DNM3: variants seen among roughly 807,000 people sequenced by gnomAD.
DNM3 encodes the protein dynamin 3, also known as dynamin-3.
A neutral mutation model predicts 101.6 loss-of-function variants in DNM3; 47 were observed. The ratio of observed to expected loss-of-function variants is 0.46; its 90% CI spans 0.37 to 0.59. DNM3 has a LOEUF of 0.59. Among genes scored for constraint, DNM3 ranks in the 20% least tolerant of loss-of-function variants. The pLI is 0.00. For synonymous variants in DNM3, 385 were observed against 387.9 expected (o/e 0.99, Z 0.09); for missense variants, 849 against 1,085.7 (o/e 0.78, Z 3.06).
chr1:172,157,197 A>G (rs1032369781), intron 14 of DNM3, among the ~76,000 whole-genome samples: 39 of 152,130 alleles, frequency 2.6e-4, no homozygotes, highest in African/African-American at 9.4e-4. Flanking sequence ...AGACAGCGAC[A>G]GATCATCAGG....
intron 15 of DNM3, among the ~76,000 whole-genome samples, chr1:172,273,615 T>C (rs1004107693): frequency 6.6e-6 from 1 of 152,050 alleles, no homozygotes; most frequent in Non-Finnish European, 1.5e-5. Flanking sequence ...TGAGAACAAA[T>C]GAGTTAATCT....
chr1:172,297,551 T>A (rs898560436), intron 15 of DNM3, among the ~76,000 whole-genome samples: 21 of 152,150 alleles, frequency 1.4e-4, no homozygotes, highest in Non-Finnish European at 2.2e-4. Context: ...TTTTATTTTT[T>A]AAAAATCATT....
chr1:171,972,427 A>G (rs780637296), intron 2 of DNM3, among the ~76,000 whole-genome samples: 142 of 152,332 alleles, frequency 9.3e-4, no homozygotes, highest in Admixed American at 2.0e-3. Flanking sequence ...GATCAAGGGA[A>G]GTTTCTTAGT....
chr1:172,320,302 C>T (rs148121138), intron 16 of DNM3, among the ~76,000 whole-genome samples: 2,879 of 150,968 alleles, frequency 0.019, 54 homozygotes, highest in Non-Finnish European at 0.027. Flanking sequence ...TTAATGGGTG[C>T]AGCACACCAG....
At chr1:172,160,063 A>T (rs78000717) in intron 14 of DNM3, among the ~76,000 whole-genome samples, 4 of 113,952 alleles carry the variant, frequency 3.5e-5, no homozygotes, top group East Asian at 2.5e-4. Flanking sequence ...CATAAAAGAT[A>T]AAAAAAAAAA....
intron 1 of DNM3, among the ~76,000 whole-genome samples, chr1:171,886,701 G>A (rs2036809507): frequency 6.6e-6 from 1 of 152,110 alleles, no homozygotes; most frequent in Admixed American, 6.5e-5. Context: ...AAATAAGAAA[G>A]GCAAAAATAC....
intron 2 of DNM3, among the ~76,000 whole-genome samples, chr1:171,935,768 A>ATTT (rs1184683663): frequency 9.1e-4 from 49 of 53,726 alleles, no homozygotes; most frequent in Non-Finnish European, 1.9e-3. Flanking sequence ...ACAAATCAAA[A>ATTT]CTTTTTTTTT....
chr1:172,289,103 A>G (rs1221231122), intron 15 of DNM3, among the ~76,000 whole-genome samples: 1 of 152,136 alleles, frequency 6.6e-6, no homozygotes, highest in Non-Finnish European at 1.5e-5. Context: ...AGGGGGAAAA[A>G]AAGATTCAAA....
intron 13 of DNM3, among the ~76,000 whole-genome samples, chr1:172,118,708 C>T (rs1405969422): frequency 6.6e-6 from 1 of 152,136 alleles, no homozygotes; most frequent in Non-Finnish European, 1.5e-5. Flanking sequence ...CATCAAGCCA[C>T]AGCAACAACT....
intron 1 of DNM3, among the ~76,000 whole-genome samples, chr1:171,886,826 T>C (rs2036820211): frequency 1.3e-5 from 2 of 152,174 alleles, no homozygotes; most frequent in African/African-American, 4.8e-5. Flanking sequence ...AAACATTATT[T>C]CCAATGCACA....
intron 14 of DNM3, among the ~76,000 whole-genome samples, chr1:172,166,318 T>C (rs1473393890): frequency 6.6e-6 from 1 of 152,084 alleles, no homozygotes; most frequent in East Asian, 1.9e-4. Context: ...CAAAATACAT[T>C]CTTGTGATTT....
intron 13 of DNM3, among the ~76,000 whole-genome samples, chr1:172,130,944 C>T (rs1015210929): frequency 8.5e-5 from 13 of 152,144 alleles, no homozygotes; most frequent in African/African-American, 2.7e-4. Flanking sequence ...CTTCAACCAT[C>T]GATGAGTCTG....
chr1:171,909,650 G>A (rs1275717560), intron 1 of DNM3, among the ~76,000 whole-genome samples: 1 of 152,006 alleles, frequency 6.6e-6, no homozygotes, highest in African/African-American at 2.4e-5. Context: ...CTATCACATT[G>A]CCTGCCCAGA....
At chr1:171,952,090 G>T (rs1450814796) in intron 2 of DNM3, among the ~76,000 whole-genome samples, 2 of 152,174 alleles carry the variant, frequency 1.3e-5, no homozygotes, top group African/African-American at 4.8e-5. Flanking sequence ...AGGTTGTGGA[G>T]ACCAAGGTTC....
chr1:172,375,715 A>C (rs2068561138), intron 17 of DNM3, among the ~76,000 whole-genome samples: 1 of 152,028 alleles, frequency 6.6e-6, no homozygotes, highest in African/African-American at 2.4e-5. Context: ...CTCACCTGTT[A>C]AAGTAGTAAA....
intron 13 of DNM3, among the ~76,000 whole-genome samples, chr1:172,121,157 G>A (rs1466062926): frequency 7.2e-5 from 11 of 152,132 alleles, no homozygotes; most frequent in Admixed American, 7.2e-4. Flanking sequence ...CCTTCCACAT[G>A]GAGGGCCTAT....
chr1:172,137,143 T>C (rs1300320193), intron 14 of DNM3: 1 of 152,174 alleles, frequency 6.6e-6, no homozygotes, highest in Non-Finnish European at 1.5e-5. Context: ...CAGGGTCCAG[T>C]AGAATAATTC....
At chr1:172,353,386 T>C (rs2067282402) in intron 17 of DNM3, among the ~76,000 whole-genome samples, 1 of 152,192 alleles carries the variant, frequency 6.6e-6, no homozygotes, top group East Asian at 1.9e-4. Flanking sequence ...TTTGTAGATA[T>C]AAAATAATAT....
At chr1:172,195,933 G>A (rs2059931359) in intron 14 of DNM3, among the ~76,000 whole-genome samples, 1 of 151,112 alleles carries the variant, frequency 6.6e-6, no homozygotes, top group Non-Finnish European at 1.5e-5. Flanking sequence ...TAGGTTTGGG[G>A]GAACATATGA....
Sources: allele counts gnomAD v4.1 joint callset (sites outside exome capture counted in the v4.1 genomes callset), GRCh38; gene constraint gnomAD v4.1.1; transcripts MANE v1.5; gene names NCBI Gene and HGNC (gene_info 2026-07-23, HGNC 2026-07-21).